DMRT1: variants seen among roughly 807,000 people sequenced by gnomAD.
DMRT1 encodes doublesex- and mab-3-related transcription factor 1.
In DMRT1, 7 loss-of-function variants were observed where a neutral mutation model predicts 32.3. The observed-to-expected ratio is 0.22, with a 90% CI of 0.12 to 0.41. The LOEUF (loss-of-function observed/expected upper bound fraction) is 0.41. Among genes scored for constraint, DMRT1 ranks in the 10% least tolerant of loss-of-function variants. DMRT1 has a pLI of 1.00. For missense variants in DMRT1, 625 were observed against 500.5 expected, an observed-to-expected ratio of 1.25 and a Z score of -2.37; for synonymous variants, 278 against 206.1, an observed-to-expected ratio of 1.35 and a Z score of -2.99.
chr9:962,068 G>GC (rs1037080056), intron 4 of DMRT1, among the ~76,000 whole-genome samples: 2 of 152,180 alleles, frequency 1.3e-5, no homozygotes, highest in African/African-American at 4.8e-5. Context: ...GGAATTAAAA[G>GC]CCCCACGATG....
intron 2 of DMRT1, among the ~76,000 whole-genome samples, chr9:884,776 C>G (rs970023992): frequency 1.3e-5 from 2 of 152,098 alleles, no homozygotes; most frequent in African/African-American, 2.4e-5. Context: ...TCGAGACCAG[C>G]CTGGCCAACA....
intron 2 of DMRT1, among the ~76,000 whole-genome samples, chr9:848,494 C>G (rs1423900447): frequency 6.6e-6 from 1 of 151,058 alleles, no homozygotes; most frequent in Non-Finnish European, 1.5e-5. Context: ...TTTTTCTTTG[C>G]TTGGATTGGC....
chr9:900,214 A>G (rs1817520153), intron 3 of DMRT1, among the ~76,000 whole-genome samples: 1 of 151,522 alleles, frequency 6.6e-6, no homozygotes, highest in Admixed American at 6.6e-5. Context: ...TGAAGCACAG[A>G]AAAAAGTGCC....
chr9:850,110 C>T (rs562315605), intron 2 of DMRT1, among the ~76,000 whole-genome samples: 12 of 152,196 alleles, frequency 7.9e-5, no homozygotes, highest in African/African-American at 1.7e-4. Context: ...TGAGCCACCA[C>T]GCCCAGCTGA....
At chr9:934,186 G>A (rs1389634080) in intron 4 of DMRT1, among the ~76,000 whole-genome samples, 1 of 152,076 alleles carries the variant, frequency 6.6e-6, no homozygotes, top group African/African-American at 2.4e-5. Context: ...ACCAAAACTG[G>A]GGATGTAGCA....
intron 2 of DMRT1, among the ~76,000 whole-genome samples, chr9:853,696 G>C (rs902084451): frequency 1.3e-5 from 2 of 151,954 alleles, no homozygotes; most frequent in Non-Finnish European, 2.9e-5. Context: ...GTAGAGACAG[G>C]GTTTCACCAT....
chr9:901,746 T>G (rs951241350), intron 3 of DMRT1, among the ~76,000 whole-genome samples: 5 of 151,684 alleles, frequency 3.3e-5, no homozygotes, highest in African/African-American at 1.2e-4. Flanking sequence ...TCCTGGGAAG[T>G]TCTGGATGGA....
At chr9:940,098 C>T (rs1336827057) in intron 4 of DMRT1, among the ~76,000 whole-genome samples, 1 of 152,092 alleles carries the variant, frequency 6.6e-6, no homozygotes, top group African/African-American at 2.4e-5. Flanking sequence ...GTTGAACCAT[C>T]ATGCACTGCT....
intron 3 of DMRT1, among the ~76,000 whole-genome samples, chr9:895,798 AAAC>A (rs1332181293): frequency 1.3e-5 from 2 of 149,396 alleles, no homozygotes; most frequent in Non-Finnish European, 3.0e-5. Flanking sequence ...CTTATAACTG[AAAC>A]TTTTTTTTTT....
chr9:889,887 G>C (rs1817073194), intron 2 of DMRT1, among the ~76,000 whole-genome samples: 1 of 152,162 alleles, frequency 6.6e-6, no homozygotes, highest in Non-Finnish European at 1.5e-5. Context: ...ATGTCTGTGA[G>C]ATTGTATAGG....
chr9:939,895 C>T (rs1303872702), intron 4 of DMRT1, among the ~76,000 whole-genome samples: 2 of 152,014 alleles, frequency 1.3e-5, no homozygotes, highest in Admixed American at 6.5e-5. Context: ...TAAAAATGGG[C>T]AAATGACTTG....
At chr9:873,170 C>G (rs908077543) in intron 2 of DMRT1, among the ~76,000 whole-genome samples, 1 of 152,192 alleles carries the variant, frequency 6.6e-6, no homozygotes, top group Non-Finnish European at 1.5e-5. Flanking sequence ...TGGCTAATGA[C>G]GTTGTGCATC....
chr9:842,238 T>G (rs1385595930), intron 1 of DMRT1, 46 bp downstream of exon 1: 1 of 1,496,840 alleles, frequency 6.7e-7, no homozygotes, highest in African/African-American at 1.5e-5. Flanking sequence ...TAGTTTTTTT[T>G]TTTTTTTTTT....
intron 2 of DMRT1, among the ~76,000 whole-genome samples, chr9:860,160 G>C (rs1815591906): frequency 6.6e-6 from 1 of 152,126 alleles, no homozygotes; most frequent in South Asian, 2.1e-4. Context: ...AGCCGGGCGT[G>C]GTGGCGCATG....
In DMRT1 at chr9:904,980, C is replaced by G. The variant is rs111494018; in HGVS notation, c.822+10785C>G. ...AAAAGACACATGTAATTCTCTTATTCCTGTTTCGATCAGAGCCCGGGGAGA... is the reference window on the plus strand; with the variant it reads ...AAAAGACACATGTAATTCTCTTATTGCTGTTTCGATCAGAGCCCGGGGAGA... On this transcript the variant is annotated intron_variant, in intron 3 of 4. Transcript: ENST00000382276. Among the ~76,000 whole-genome samples, 634 of 150,726 alleles carry G rather than the reference C, an allele frequency of 4.2e-3. 4 individuals carry two copies. The highest frequency in any genetic ancestry group is 0.012 in the South Asian group (56 of 4,770).
chr9:950,465 G>A (rs1019187620), intron 4 of DMRT1, among the ~76,000 whole-genome samples: 6 of 152,030 alleles, frequency 3.9e-5, no homozygotes, highest in African/African-American at 1.4e-4. Flanking sequence ...GTGAGCTTGG[G>A]CATGTTAATC....
chr9:932,800 A>C (rs973402704), intron 4 of DMRT1, among the ~76,000 whole-genome samples: 2 of 152,208 alleles, frequency 1.3e-5, no homozygotes, highest in Non-Finnish European at 2.9e-5. Context: ...AGAACTCAGA[A>C]AGTGCTTTAC....
intron 1 of DMRT1, among the ~76,000 whole-genome samples, chr9:845,253 AGGCTGGAGTGCAGT>A (rs1422968033): frequency 6.6e-6 from 1 of 152,034 alleles, no homozygotes; most frequent in East Asian, 1.9e-4. Context: ...TCCATTGCCC[AGGCTGGAGTGCAGT>A]GGCTCGATTT....
chr9:881,935 T>C (rs925266927), intron 2 of DMRT1, among the ~76,000 whole-genome samples: 1 of 152,252 alleles, frequency 6.6e-6, no homozygotes, highest in Non-Finnish European at 1.5e-5. Flanking sequence ...ACATTCTGAA[T>C]TGGCCTAAAG....
Sources: allele counts gnomAD v4.1 joint callset (sites outside exome capture counted in the v4.1 genomes callset), GRCh38; gene constraint gnomAD v4.1.1; transcripts MANE v1.5; gene names NCBI Gene and HGNC (gene_info 2026-07-23, HGNC 2026-07-21).